Variants in DPP6 observed in about 807,000 individuals in gnomAD.
The protein encoded by DPP6 is dipeptidyl peptidase like 6, also known as A-type potassium channel modulatory protein DPP6.
Under a neutral mutation model 122.6 loss-of-function variants are expected in DPP6, and 69 were observed. The observed-to-expected ratio is 0.56, with a 90% CI of 0.46 to 0.69. The LOEUF is 0.69. DPP6 is among the 30% of genes least tolerant of loss of function. The probability of loss-of-function intolerance (pLI) is 0.00; values close to 1 mark genes in which losing one functional copy is unlikely to be tolerated. For synonymous variants in DPP6, 418 were observed against 433.1 expected (o/e 0.97, Z 0.43); for missense variants, 928 against 1,116.9 (o/e 0.83, Z 2.41).
chr7:154,061,736 C>A (rs1436866038), intron 1 of DPP6, among the ~76,000 whole-genome samples: 1 of 86,998 alleles, frequency 1.1e-5, no homozygotes, highest in South Asian at 3.7e-4. Flanking sequence ...GACTGCGAAC[C>A]TCCCCCTTTC....
intron 1 of DPP6, among the ~76,000 whole-genome samples, chr7:154,443,235 T>C (rs934026140): frequency 3.3e-5 from 5 of 152,172 alleles, no homozygotes; most frequent in African/African-American, 9.7e-5. Flanking sequence ...TTGCTAGAGA[T>C]CTCTCTGATG....
chr7:153,996,484 T>C (rs1339884596), intron 1 of DPP6, among the ~76,000 whole-genome samples: 1 of 151,784 alleles, frequency 6.6e-6, no homozygotes, highest in East Asian at 1.9e-4. Flanking sequence ...GGCACTTCCA[T>C]GTCTGTCCAA....
intron 1 of DPP6, among the ~76,000 whole-genome samples, chr7:154,232,815 G>A (rs1038490504): frequency 3.3e-5 from 5 of 152,200 alleles, no homozygotes; most frequent in African/African-American, 7.2e-5. Flanking sequence ...AAGGCAGGGA[G>A]AAGCCAAAAG....
the DPP6 span, among the ~76,000 whole-genome samples, chr7:153,781,577 G>A: frequency 6.6e-6 from 1 of 152,186 alleles, no homozygotes; most frequent in Non-Finnish European, 1.5e-5. Flanking sequence ...AGTTTTCCCT[G>A]TGAAAGCTTT....
At chr7:154,249,105 G>T (rs1345598225) in intron 1 of DPP6, among the ~76,000 whole-genome samples, 3 of 152,120 alleles carry the variant, frequency 2.0e-5, no homozygotes, top group African/African-American at 7.2e-5. Flanking sequence ...CTCACGGTGG[G>T]GCTGACAATG....
At chr7:153,960,994 A>T (rs1795325513) in intron 1 of DPP6, among the ~76,000 whole-genome samples, 1 of 152,084 alleles carries the variant, frequency 6.6e-6, no homozygotes, top group Non-Finnish European at 1.5e-5. Flanking sequence ...CAGGTATGTT[A>T]ATGAGGCAGC....
At chr7:154,376,684 G>A (rs1404049895) in intron 1 of DPP6, among the ~76,000 whole-genome samples, 2 of 152,220 alleles carry the variant, frequency 1.3e-5, no homozygotes, top group Non-Finnish European at 2.9e-5. Context: ...GTATCCAGCA[G>A]TAGTTCTGGC....
chr7:154,019,675 G>T (rs1798606932), intron 1 of DPP6, among the ~76,000 whole-genome samples: 1 of 152,134 alleles, frequency 6.6e-6, no homozygotes, highest in Non-Finnish European at 1.5e-5. Context: ...TTAAAGAATT[G>T]TATCAAGAAG....
chr7:153,958,137 C>T (rs1795152307), intron 1 of DPP6, among the ~76,000 whole-genome samples: 1 of 152,128 alleles, frequency 6.6e-6, no homozygotes, highest in Non-Finnish European at 1.5e-5. Context: ...GCGCTCCAGC[C>T]TGGGCGACGG....
intron 1 of DPP6, among the ~76,000 whole-genome samples, chr7:154,343,126 G>T (rs1226481774): frequency 6.6e-6 from 1 of 152,134 alleles, no homozygotes; most frequent in Non-Finnish European, 1.5e-5. Flanking sequence ...TGGTTTGAAT[G>T]GCCTGAAAAG....
chr7:154,553,535 T>C (rs1046713804), intron 4 of DPP6, among the ~76,000 whole-genome samples: 2 of 152,168 alleles, frequency 1.3e-5, no homozygotes, highest in Non-Finnish European at 2.9e-5. Flanking sequence ...CCAAAATCCT[T>C]AGGAACTCTG....
chr7:154,881,289 A>T (rs1158853432), intron 21 of DPP6, among the ~76,000 whole-genome samples: 1 of 152,192 alleles, frequency 6.6e-6, no homozygotes, highest in Non-Finnish European at 1.5e-5. Context: ...TTTCTGGATA[A>T]CTCGATGTGG....
intron 1 of DPP6, among the ~76,000 whole-genome samples, chr7:153,945,025 C>A (rs958792817): frequency 1.3e-5 from 2 of 152,120 alleles, no homozygotes; most frequent in African/African-American, 4.8e-5. Context: ...AAGATGTGTT[C>A]TTTCCCACAG....
intron 1 of DPP6, among the ~76,000 whole-genome samples, chr7:153,925,445 G>T (rs1301637582): frequency 6.6e-6 from 1 of 151,432 alleles, no homozygotes; most frequent in African/African-American, 2.4e-5. Context: ...CATGGTGGAA[G>T]GTCCCCGAGG....
At chr7:154,141,042 C>G (rs1403370859) in intron 1 of DPP6, among the ~76,000 whole-genome samples, 1 of 152,150 alleles carries the variant, frequency 6.6e-6, no homozygotes, top group East Asian at 1.9e-4. Context: ...GAAGCTGAGT[C>G]TGCTTACCTG....
Position 154,876,103 on chromosome 7 carries a change from G to T in DPP6, c.2078+3G>T. The T allele has an allele frequency of 6.3e-7, 1 of 1,577,956 alleles. No individual in the cohort carries two copies. The highest frequency in any genetic ancestry group is 8.6e-7 in the Non-Finnish European group (1 of 1,161,308). On this transcript the variant is annotated splice_donor_region_variant and intron_variant, in intron 20 of 25. Transcript: ENST00000377770. Reference sequence around the variant, plus strand: ...AAGGACCAGATGGAGGCCGTGCGGTGAGCACCCGCCCAGGAAGCAGGAGAG... The same window carrying T: ...AAGGACCAGATGGAGGCCGTGCGGTTAGCACCCGCCCAGGAAGCAGGAGAG...
chr7:154,439,215 A>T (rs540550616), intron 1 of DPP6, among the ~76,000 whole-genome samples: 1 of 152,272 alleles, frequency 6.6e-6, no homozygotes, highest in South Asian at 2.1e-4. Flanking sequence ...AGTATAGAAA[A>T]CTCATCTCAA....
chr7:154,579,732 G>A (rs912534389), intron 5 of DPP6, among the ~76,000 whole-genome samples: 2 of 152,186 alleles, frequency 1.3e-5, no homozygotes, highest in Non-Finnish European at 2.9e-5. Flanking sequence ...GGGCAGCAGG[G>A]AGATGGACTG....
In DPP6 at chr7:153,918,552, C is replaced by CAG. The variant is rs1479565857; in HGVS notation, c.51+30819_51+30820insGA. 7.2e-4 allele frequency among the ~76,000 whole-genome samples: 98 copies of CAG among 135,808 alleles called. 1 individual carries two copies. Among genetic ancestry groups the CAG allele is most frequent in the Middle Eastern group, 7.2e-3 (2 of 276 alleles). The allele number at this position is 135,808 out of a possible 152,430, so 89.1% of individuals were successfully genotyped here. On this transcript the variant is annotated intron_variant, in intron 1 of 25. Transcript: ENST00000404039. ...ACACACACACACACACACACACACA[C>CAG]ACACACACACACAGTCTCTCTCTCT...
Sources: allele counts gnomAD v4.1 joint callset (sites outside exome capture counted in the v4.1 genomes callset), GRCh38; gene constraint gnomAD v4.1.1; transcripts MANE v1.5; gene names NCBI Gene and HGNC (gene_info 2026-07-23, HGNC 2026-07-21).